NXPE4: variants seen among roughly 807,000 people sequenced by gnomAD.
The protein encoded by NXPE4 is NXPE family member 4.
In NXPE4, 42 loss-of-function variants were observed where a neutral mutation model predicts 33.3. The observed-to-expected ratio is 1.26, with a 90% confidence interval of 0.98 to 1.63. NXPE4 has a LOEUF of 1.63. NXPE4 is among the 40% of genes most tolerant of loss of function. The probability of loss-of-function intolerance (pLI) is 0.00; values close to 1 mark genes in which losing one functional copy is unlikely to be tolerated. For missense variants in NXPE4, 709 were observed against 647.6 expected (o/e 1.09, Z -1.03); for synonymous variants, 253 against 234.9 (o/e 1.08, Z -0.71).
chr11:114,614,802 T>C, the NXPE4 span, among the ~76,000 whole-genome samples: 1 of 151,598 alleles, frequency 6.6e-6, no homozygotes, highest in Non-Finnish European at 1.5e-5. Context: ...GGATGATAAG[T>C]GTTGCCTCGT....
At chr11:114,628,806 T>A in the NXPE4 span, among the ~76,000 whole-genome samples, 1 of 150,808 alleles carries the variant, frequency 6.6e-6, no homozygotes, top group African/African-American at 2.4e-5. Flanking sequence ...GAGAGAAGAA[T>A]CAAATAGACG....
chr11:114,594,761 AT>A lies in NXPE4; in HGVS notation c.-3del. On this transcript the variant is annotated 5_prime_UTR_variant, in exon 2 of 6. Coordinates refer to ENST00000375478, the MANE Select transcript of NXPE4 (RefSeq NM_001077639.2). The stretch of plus-strand genomic sequence containing the variant: ...ATAATTTATCATACTTATTTTCATG[AT>A]TAGGATCCTACAAGAGACAATACAA... 1 of 1,435,474 alleles carries A rather than the reference AT, an allele frequency of 7.0e-7. No individual in the cohort carries two copies. The highest frequency in any genetic ancestry group is 9.7e-7 in the Non-Finnish European group (1 of 1,026,310). The allele number at this position is 1,435,474 out of a possible 1,614,324, so 88.9% of individuals were successfully genotyped here.
chr11:114,644,597 G>C, the NXPE4 span, among the ~76,000 whole-genome samples: 1 of 151,940 alleles, frequency 6.6e-6, no homozygotes, highest in African/African-American at 2.4e-5. Context: ...TATTTTTATG[G>C]ACATTACAAT....
At chr11:114,615,948 C>T in the NXPE4 span, among the ~76,000 whole-genome samples, 1 of 151,116 alleles carries the variant, frequency 6.6e-6, no homozygotes, top group Non-Finnish European at 1.5e-5. Flanking sequence ...TATGGGTAAC[C>T]ACTGTTACCC....
intron 2 of NXPE4, chr11:114,583,417 C>A (rs1949203674): frequency 1.5e-6 from 1 of 651,476 alleles, no homozygotes; most frequent in Admixed American, 1.9e-5. Flanking sequence ...AAACCCATCA[C>A]CCTCACAAAG....
chr11:114,589,218 G>A (rs1243448262), intron 2 of NXPE4, among the ~76,000 whole-genome samples: 1 of 152,160 alleles, frequency 6.6e-6, no homozygotes, highest in African/African-American at 2.4e-5. Flanking sequence ...AAGGTCAACA[G>A]GTTCAGAACC....
intron 2 of NXPE4, 81 bp downstream of exon 2, chr11:114,594,583 G>A (rs1402082759): frequency 1.2e-6 from 1 of 861,288 alleles, no homozygotes; most frequent in East Asian, 2.4e-5. Context: ...TACAAGTCTT[G>A]TAGTTTAGCC....
chr11:114,639,239 G>C, the NXPE4 span, among the ~76,000 whole-genome samples: 1 of 151,720 alleles, frequency 6.6e-6, no homozygotes, highest in Non-Finnish European at 1.5e-5. Context: ...CGAGCAATCA[G>C]CGAGACTCTG....
chr11:114,663,995 T>C, the NXPE4 span, among the ~76,000 whole-genome samples: 1 of 152,160 alleles, frequency 6.6e-6, no homozygotes, highest in African/African-American at 2.4e-5. Flanking sequence ...CAGTTTCTTA[T>C]AATGTTAAAA....
At chr11:114,598,835 G>A (rs892456727), upstream of NXPE4, among the ~76,000 whole-genome samples, 11 of 151,254 alleles carry the variant, frequency 7.3e-5, no homozygotes, top group African/African-American at 2.7e-4. Flanking sequence ...TGCCTTTGAG[G>A]CCTTCTCCCC....
chr11:114,615,843 A>ACCC, the NXPE4 span, among the ~76,000 whole-genome samples: 4 of 151,744 alleles, frequency 2.6e-5, no homozygotes, highest in African/African-American at 9.7e-5. Flanking sequence ...TGTGGATAAT[A>ACCC]AGAGATGCCT....
chr11:114,583,614 C>A, intron 2 of NXPE4: 1 of 594,078 alleles, frequency 1.7e-6, no homozygotes, highest in Non-Finnish European at 3.3e-6. Flanking sequence ...GTGGCAAGTG[C>A]TGTGAAACTT....
intron 2 of NXPE4, among the ~76,000 whole-genome samples, chr11:114,589,096 T>C (rs1949379380): frequency 6.6e-6 from 1 of 152,018 alleles, no homozygotes; most frequent in Non-Finnish European, 1.5e-5. Flanking sequence ...TTGCTATTGA[T>C]GTGGGAAGTC....
At chr11:114,606,659 G>A in the NXPE4 span, among the ~76,000 whole-genome samples, 1 of 152,006 alleles carries the variant, frequency 6.6e-6, no homozygotes, top group African/African-American at 2.4e-5. Context: ...TTACTCGGTG[G>A]ATAGTAAGTA....
chr11:114,596,409 A>G (rs1019518314), upstream of NXPE4, among the ~76,000 whole-genome samples: 2 of 152,174 alleles, frequency 1.3e-5, no homozygotes, highest in Admixed American at 6.5e-5. Context: ...TGGGTTGATT[A>G]CTGCTGCCCT....
the NXPE4 span, among the ~76,000 whole-genome samples, chr11:114,615,332 G>T: frequency 6.6e-6 from 1 of 151,752 alleles, no homozygotes; most frequent in Admixed American, 6.6e-5. Context: ...ACCATTACCC[G>T]CCGGATACTA....
chr11:114,614,910 T>A, the NXPE4 span, among the ~76,000 whole-genome samples: 1 of 151,924 alleles, frequency 6.6e-6, no homozygotes, highest in African/African-American at 2.4e-5. Context: ...TAATCACTGT[T>A]ACCCAGTGGA....
the NXPE4 span, among the ~76,000 whole-genome samples, chr11:114,623,754 G>A: frequency 6.6e-6 from 1 of 152,124 alleles, no homozygotes; most frequent in Non-Finnish European, 1.5e-5. Context: ...GTTAACTGGT[G>A]GATAATACAT....
chr11:114,579,690 G>A (rs979359351), intron 5 of NXPE4, among the ~76,000 whole-genome samples: 1 of 152,208 alleles, frequency 6.6e-6, no homozygotes, highest in African/African-American at 2.4e-5. Flanking sequence ...GTTGACAGAT[G>A]AGAAAACTGA....
Sources: allele counts gnomAD v4.1 joint callset (sites outside exome capture counted in the v4.1 genomes callset), GRCh38; gene constraint gnomAD v4.1.1; transcripts MANE v1.5; gene names NCBI Gene and HGNC (gene_info 2026-07-23, HGNC 2026-07-21).